The following ADAMTS19 variants were observed in gnomAD, a reference collection of about 807,000 sequenced individuals.
The protein encoded by ADAMTS19 is A disintegrin and metalloproteinase with thrombospondin motifs 19.
A neutral mutation model predicts 153.3 loss-of-function variants in ADAMTS19; 93 were observed. The ratio of observed to expected loss-of-function variants is 0.61; its 90% CI spans 0.51 to 0.72. The LOEUF (loss-of-function observed/expected upper bound fraction) is 0.72, where lower values mean the gene tolerates loss of function less well. ADAMTS19 is among the 30% of genes least tolerant of loss of function. The probability of loss-of-function intolerance (pLI) is 0.00; values close to 1 mark genes in which losing one functional copy is unlikely to be tolerated. For missense variants in ADAMTS19, 1,482 were observed against 1,552.1 expected (o/e 0.95, Z 0.76); for synonymous variants, 600 against 556.6 (o/e 1.08, Z -1.10).
chr5:129,562,516 A>G (rs1014066019), intron 7 of ADAMTS19, among the ~76,000 whole-genome samples: 3 of 152,124 alleles, frequency 2.0e-5, no homozygotes, highest in Non-Finnish European at 4.4e-5. Context: ...AAGGTCTTAG[A>G]AGACCCACTG....
At chr5:129,504,264 G>A (rs1199977217) in intron 2 of ADAMTS19, among the ~76,000 whole-genome samples, 1 of 151,960 alleles carries the variant, frequency 6.6e-6, no homozygotes, top group African/African-American at 2.4e-5. Context: ...TGTCTCTCAG[G>A]ACCTTTCTCA....
chr5:129,472,602 C>T (rs914584749), intron 2 of ADAMTS19, among the ~76,000 whole-genome samples: 17 of 151,918 alleles, frequency 1.1e-4, no homozygotes, highest in Non-Finnish European at 2.4e-4. Context: ...AAGTGTTTTC[C>T]CACTCTTCAA....
chr5:129,705,061 C>G (rs1287632723), intron 21 of ADAMTS19, among the ~76,000 whole-genome samples: 1 of 152,082 alleles, frequency 6.6e-6, no homozygotes, highest in African/African-American at 2.4e-5. Flanking sequence ...AAATTCTGAT[C>G]ATTTTGGGGT....
intron 21 of ADAMTS19, among the ~76,000 whole-genome samples, chr5:129,712,309 T>C (rs1190307121): frequency 6.6e-6 from 1 of 152,186 alleles, no homozygotes; most frequent in Non-Finnish European, 1.5e-5. Flanking sequence ...TTTAAAGCGT[T>C]TGGACATTGA....
chr5:129,645,302 C>A (rs548420494), intron 11 of ADAMTS19, among the ~76,000 whole-genome samples: 1 of 152,186 alleles, frequency 6.6e-6, no homozygotes, highest in East Asian at 1.9e-4. Context: ...TCCATAATAT[C>A]CCTAATGATA....
chr5:129,717,934 A>G (rs963000963), intron 21 of ADAMTS19, among the ~76,000 whole-genome samples: 1 of 152,174 alleles, frequency 6.6e-6, no homozygotes, highest in East Asian at 1.9e-4. Context: ...AAAGTATTTT[A>G]TTTGAAAAGG....
At chr5:129,662,649 A>T (rs1241418694) in intron 15 of ADAMTS19, among the ~76,000 whole-genome samples, 1 of 152,116 alleles carries the variant, frequency 6.6e-6, no homozygotes, top group African/African-American at 2.4e-5. Context: ...CTTTTTTAAT[A>T]TTCTGAAGTT....
At chr5:129,514,402 C>G (rs772410851) in intron 3 of ADAMTS19, among the ~76,000 whole-genome samples, 1 of 152,108 alleles carries the variant, frequency 6.6e-6, no homozygotes, top group Non-Finnish European at 1.5e-5. Flanking sequence ...TACATTCCCA[C>G]TAACAGTGTA....
chr5:129,661,391 G>C (rs1001605028), intron 15 of ADAMTS19, among the ~76,000 whole-genome samples: 3 of 151,988 alleles, frequency 2.0e-5, no homozygotes, highest in Non-Finnish European at 4.4e-5. Flanking sequence ...TCTATCACAG[G>C]CACCATCTAC....
At chr5:129,509,641 G>C (rs889570196) in intron 3 of ADAMTS19, among the ~76,000 whole-genome samples, 6 of 151,944 alleles carry the variant, frequency 3.9e-5, no homozygotes, top group Non-Finnish European at 1.5e-5. Flanking sequence ...TCTTGGACTA[G>C]AAGCATCCTC....
chr5:129,709,093 G>C (rs1035633563), intron 21 of ADAMTS19, among the ~76,000 whole-genome samples: 7 of 152,058 alleles, frequency 4.6e-5, no homozygotes, highest in African/African-American at 1.4e-4. Context: ...TTGAATAGGA[G>C]AGGAATTAGA....
chr5:129,462,193 G>A (rs1050139585), intron 2 of ADAMTS19, among the ~76,000 whole-genome samples: 1 of 152,132 alleles, frequency 6.6e-6, no homozygotes, highest in African/African-American at 2.4e-5. Flanking sequence ...TTATCTTAGA[G>A]CTTTTTCATA....
intron 21 of ADAMTS19, among the ~76,000 whole-genome samples, chr5:129,726,033 T>C (rs184218489): frequency 6.6e-6 from 1 of 152,154 alleles, no homozygotes; most frequent in Admixed American, 6.5e-5. Flanking sequence ...ACATCAACTT[T>C]CCTTGTGTCT....
chr5:129,637,407 C>T (rs1752580005), intron 10 of ADAMTS19, among the ~76,000 whole-genome samples: 1 of 152,136 alleles, frequency 6.6e-6, no homozygotes, highest in South Asian at 2.1e-4. Flanking sequence ...GCATACTCAG[C>T]TCTAAATTAA....
At chr5:129,531,600 G>A (rs1752207791) in intron 6 of ADAMTS19, among the ~76,000 whole-genome samples, 1 of 152,112 alleles carries the variant, frequency 6.6e-6, no homozygotes, top group African/African-American at 2.4e-5. Context: ...ACGCCAGCCT[G>A]GGCGACTGAG....
At chr5:129,497,089 T>A (rs1002194392) in intron 2 of ADAMTS19, among the ~76,000 whole-genome samples, 1 of 152,056 alleles carries the variant, frequency 6.6e-6, no homozygotes, top group African/African-American at 2.4e-5. Context: ...ACTACTAAAA[T>A]TTTAAGCCTG....
chr5:129,619,095 T>C (rs1441745442), intron 8 of ADAMTS19, among the ~76,000 whole-genome samples: 1 of 152,028 alleles, frequency 6.6e-6, no homozygotes, highest in Non-Finnish European at 1.5e-5. Flanking sequence ...GAAAACCTGA[T>C]AGAAGTAAAC....
At chr5:129,659,757 A>G (rs1313017630) in intron 15 of ADAMTS19, among the ~76,000 whole-genome samples, 1 of 151,392 alleles carries the variant, frequency 6.6e-6, no homozygotes. Flanking sequence ...ATTTTTTTTT[A>G]ATTTTGTTTT....
intron 18 of ADAMTS19, among the ~76,000 whole-genome samples, chr5:129,687,000 G>A (rs757673112): frequency 6.6e-6 from 1 of 151,844 alleles, no homozygotes; most frequent in Non-Finnish European, 1.5e-5. Context: ...ACCCAAATTC[G>A]CAAATTCCTG....
Sources: gnomAD v4.1 joint callset for allele counts (sites outside exome capture counted in the v4.1 genomes callset) on GRCh38, gnomAD v4.1.1 for gene constraint, MANE v1.5 for transcripts, NCBI Gene and HGNC (gene_info 2026-07-23, HGNC 2026-07-21) for gene names.